LRFN2: variants seen among roughly 807,000 people sequenced by gnomAD.
LRFN2 encodes the protein leucine-rich repeat and fibronectin type-III domain-containing protein 2.
LRFN2 carries 18 observed loss-of-function variants against 37.3 expected under a neutral mutation model. The observed-to-expected ratio is 0.48, with a 90% CI of 0.33 to 0.72. The LOEUF (loss-of-function observed/expected upper bound fraction) is 0.72, where lower values mean the gene tolerates loss of function less well. Among genes scored for constraint, LRFN2 ranks in the 30% least tolerant of loss-of-function variants. LRFN2 has a pLI of 0.02. For synonymous variants in LRFN2, 556 were observed against 466.6 expected (o/e 1.19, Z -2.47); for missense variants, 1,006 against 1,060.7 (o/e 0.95, Z 0.72).
At chr6:40,437,439 G>A (rs761374380) in intron 1 of LRFN2, among the ~76,000 whole-genome samples, 17 of 152,144 alleles carry the variant, frequency 1.1e-4, no homozygotes, top group Non-Finnish European at 1.8e-4. Flanking sequence ...GAGGCACAGA[G>A]CCCATTGTTT....
At position 40,472,704 on chromosome 6, in the gene LRFN2, A is replaced by T. The variant is rs1008250931; in HGVS notation, c.-18-39573T>A. Among the ~76,000 whole-genome samples, 4 of 151,434 alleles carry T rather than the reference A, an allele frequency of 2.6e-5. No individual in the cohort carries two copies. In the South Asian group the frequency reaches 8.4e-4, roughly 32 times the overall value. ...CTACGGGAGCCCTGGATGTGACCTG[A>T]CTCTGAGCAGCATTTGACATGCTGA... On this transcript the variant is annotated intron_variant, in intron 1 of 2. Transcript: ENST00000338305.
intron 1 of LRFN2, among the ~76,000 whole-genome samples, chr6:40,586,142 A>G (rs1215882672): frequency 6.6e-6 from 1 of 152,114 alleles, no homozygotes; most frequent in Non-Finnish European, 1.5e-5. Flanking sequence ...TGATGGGAAG[A>G]CGAGTAGGAC....
At chr6:40,445,481 AG>A (rs1763948459) in intron 1 of LRFN2, among the ~76,000 whole-genome samples, 1 of 152,158 alleles carries the variant, frequency 6.6e-6, no homozygotes, top group Non-Finnish European at 1.5e-5. Context: ...CTTTTCTTGG[AG>A]GAGGTGGTGC....
intron 1 of LRFN2, among the ~76,000 whole-genome samples, chr6:40,578,451 G>A (rs71573315): frequency 6.6e-6 from 1 of 152,182 alleles, no homozygotes; most frequent in Non-Finnish European, 1.5e-5. Flanking sequence ...TAACATCTGT[G>A]CCTCAGTTCC....
chr6:40,566,338 G>T (rs1767089983), intron 1 of LRFN2, among the ~76,000 whole-genome samples: 1 of 152,188 alleles, frequency 6.6e-6, no homozygotes, highest in Admixed American at 6.5e-5. Flanking sequence ...ATTCCTCAGG[G>T]ATCTGGAACT....
At chr6:40,450,155 C>A (rs190849458) in intron 1 of LRFN2, among the ~76,000 whole-genome samples, 3 of 152,304 alleles carry the variant, frequency 2.0e-5, no homozygotes, top group Admixed American at 6.5e-5. Context: ...GCTGAGAGAA[C>A]TGTCCTCACC....
At chr6:40,406,224 A>T (rs1762845315) in intron 2 of LRFN2, among the ~76,000 whole-genome samples, 1 of 152,200 alleles carries the variant, frequency 6.6e-6, no homozygotes, top group African/African-American at 2.4e-5. Flanking sequence ...GGATGAAATG[A>T]GCGAATCTCT....
chr6:40,409,900 T>C (rs1399425454), intron 2 of LRFN2, among the ~76,000 whole-genome samples: 2 of 152,162 alleles, frequency 1.3e-5, no homozygotes, highest in African/African-American at 2.4e-5. Context: ...GCCTGCTGCC[T>C]CACCCCACGG....
intron 1 of LRFN2, among the ~76,000 whole-genome samples, chr6:40,516,824 A>T (rs1765891545): frequency 6.6e-6 from 1 of 151,694 alleles, no homozygotes; most frequent in Non-Finnish European, 1.5e-5. Context: ...TTAGAAATAC[A>T]CCTCCCCTCT....
chr6:40,455,795 G>A (rs1764222644), intron 1 of LRFN2, among the ~76,000 whole-genome samples: 6 of 152,172 alleles, frequency 3.9e-5, no homozygotes, highest in Admixed American at 3.9e-4. Context: ...TGACATTGCA[G>A]GGCAGAGGAA....
intron 1 of LRFN2, among the ~76,000 whole-genome samples, chr6:40,534,293 T>A (rs2504839): frequency 0.028 from 4,247 of 152,044 alleles, 208 homozygotes; most frequent in African/African-American, 0.097. Flanking sequence ...GTTTTGGGGG[T>A]CATGGACTCT....
At chr6:40,511,342 T>G (rs928524644) in intron 1 of LRFN2, among the ~76,000 whole-genome samples, 4 of 152,196 alleles carry the variant, frequency 2.6e-5, no homozygotes, top group African/African-American at 9.7e-5. Context: ...TTTGTATCCC[T>G]AAGAAAGAAA....
At chr6:40,567,375 G>C (rs1241193806) in intron 1 of LRFN2, among the ~76,000 whole-genome samples, 2 of 152,208 alleles carry the variant, frequency 1.3e-5, no homozygotes, top group Non-Finnish European at 2.9e-5. Context: ...AAAATTATGA[G>C]GTGGGAGGCC....
intron 2 of LRFN2, among the ~76,000 whole-genome samples, chr6:40,430,033 CA>C (rs1025648989): frequency 3.3e-5 from 5 of 152,068 alleles, no homozygotes; most frequent in African/African-American, 1.2e-4. Context: ...CTCTACTTTC[CA>C]AATTTTCAGT....
At chr6:40,453,543 CACACACACACA>C (rs1217112718) in intron 1 of LRFN2, among the ~76,000 whole-genome samples, 4 of 150,776 alleles carry the variant, frequency 2.7e-5, no homozygotes, top group African/African-American at 9.8e-5. Flanking sequence ...CACACACACA[CACACACACACA>C]CCTCCCTTTG....
intron 1 of LRFN2, among the ~76,000 whole-genome samples, chr6:40,511,942 G>A (rs1765719834): frequency 6.6e-6 from 1 of 152,212 alleles, no homozygotes. Flanking sequence ...GAGAAAGAGG[G>A]AGGAACTAGG....
chr6:40,500,181 G>A (rs967523694), intron 1 of LRFN2, among the ~76,000 whole-genome samples: 1 of 152,202 alleles, frequency 6.6e-6, no homozygotes, highest in Non-Finnish European at 1.5e-5. Flanking sequence ...CCCGGAGACC[G>A]GGAGGCTCTG....
chr6:40,414,379 T>A (rs969878143), intron 2 of LRFN2, among the ~76,000 whole-genome samples: 1 of 152,146 alleles, frequency 6.6e-6, no homozygotes, highest in Non-Finnish European at 1.5e-5. Flanking sequence ...CATGCCTCAG[T>A]TCCCCCCTCC....
intron 1 of LRFN2, among the ~76,000 whole-genome samples, chr6:40,463,355 C>T (rs962606104): frequency 1.3e-5 from 2 of 152,168 alleles, no homozygotes; most frequent in Non-Finnish European, 2.9e-5. Context: ...TGGACTGCTG[C>T]AATAGCTCCT....
Sources: allele counts gnomAD v4.1 joint callset (sites outside exome capture counted in the v4.1 genomes callset), GRCh38; gene constraint gnomAD v4.1.1; transcripts MANE v1.5; gene names NCBI Gene and HGNC (gene_info 2026-07-23, HGNC 2026-07-21).